Variants in PLCL1 observed in about 807,000 individuals in gnomAD.
PLCL1 encodes the protein phospholipase C like 1 (inactive), also known as inactive phospholipase C-like protein 1.
PLCL1 carries 41 observed loss-of-function variants against 84.4 expected under a neutral mutation model. The observed-to-expected ratio is 0.49, with a 90% CI of 0.38 to 0.63. The LOEUF is 0.63. Among genes scored for constraint, PLCL1 ranks in the 30% least tolerant of loss-of-function variants. PLCL1 has a pLI of 0.00. For synonymous variants in PLCL1, 490 were observed against 488.3 expected (o/e 1.00, Z -0.05); for missense variants, 1,206 against 1,367.8 (o/e 0.88, Z 1.87).
At chr2:197,851,462 A>G (rs542608016) in intron 1 of PLCL1, among the ~76,000 whole-genome samples, 12 of 152,368 alleles carry the variant, frequency 7.9e-5, no homozygotes, top group African/African-American at 2.6e-4. Context: ...GAATAAAAGC[A>G]GTGCTCTGAT....
chr2:197,916,511 G>C (rs778166239), intron 1 of PLCL1, among the ~76,000 whole-genome samples: 4 of 152,096 alleles, frequency 2.6e-5, no homozygotes, highest in African/African-American at 4.8e-5. Context: ...AATAATCCAT[G>C]CTGTACACTT....
At position 197,811,543 on chromosome 2, in the gene PLCL1, A is replaced by G. The variant is rs75787501; in HGVS notation, c.240+6204A>G. 9.6e-3 allele frequency among the ~76,000 whole-genome samples: 1,460 copies of G among 152,324 alleles called. 23 individuals are homozygous for G. Among genetic ancestry groups the G allele is most frequent in the African/African-American group, 0.034 (1,400 of 41,572 alleles). On this transcript the variant is annotated intron_variant, in intron 1 of 5. Coordinates refer to ENST00000428675, the MANE Select transcript of PLCL1 (RefSeq NM_006226.4). ...GTTTACATTATCATTATCACTTCAGAAAGAAGGCAAGTTAATTTTGAAAAT... is the reference window on the plus strand; with the variant it reads ...GTTTACATTATCATTATCACTTCAGGAAGAAGGCAAGTTAATTTTGAAAAT...
intron 1 of PLCL1, among the ~76,000 whole-genome samples, chr2:197,830,173 G>C (rs1264956852): frequency 6.6e-6 from 1 of 152,058 alleles, no homozygotes; most frequent in African/African-American, 2.4e-5. Flanking sequence ...GAATGAGTTT[G>C]ACGAATTCAC....
chr2:198,023,782 C>A (rs1456493808), intron 1 of PLCL1, among the ~76,000 whole-genome samples: 2 of 152,186 alleles, frequency 1.3e-5, no homozygotes, highest in Non-Finnish European at 1.5e-5. Flanking sequence ...AATAGGAACA[C>A]TTTTACCCTG....
chr2:197,861,504 A>G (rs530198840), intron 1 of PLCL1, among the ~76,000 whole-genome samples: 2 of 152,306 alleles, frequency 1.3e-5, no homozygotes, highest in South Asian at 4.1e-4. Flanking sequence ...CACTCTAGCA[A>G]ATTAATCAAA....
At chr2:198,042,396 C>A (rs1041296097) in intron 1 of PLCL1, among the ~76,000 whole-genome samples, 1 of 152,142 alleles carries the variant, frequency 6.6e-6, no homozygotes, top group East Asian at 1.9e-4. Flanking sequence ...AAAGGTTAAT[C>A]TGCAATAGCA....
chr2:198,079,022 T>C (rs1692646994), intron 1 of PLCL1, among the ~76,000 whole-genome samples: 1 of 152,112 alleles, frequency 6.6e-6, no homozygotes, highest in African/African-American at 2.4e-5. Flanking sequence ...TGAATTTATA[T>C]TGAAATAATT....
At chr2:197,918,940 C>T (rs1688650536) in intron 1 of PLCL1, among the ~76,000 whole-genome samples, 2 of 124,300 alleles carry the variant, frequency 1.6e-5, no homozygotes, top group Non-Finnish European at 3.5e-5. Context: ...GACCCTGTCT[C>T]TCTCTCTCTC....
intron 1 of PLCL1, among the ~76,000 whole-genome samples, chr2:198,027,194 T>C (rs1691289451): frequency 6.6e-6 from 1 of 152,194 alleles, no homozygotes; most frequent in African/African-American, 2.4e-5. Flanking sequence ...AAGGAAATCA[T>C]GTCATTTGCA....
intron 1 of PLCL1, among the ~76,000 whole-genome samples, chr2:197,897,561 C>A (rs1688177618): frequency 6.6e-6 from 1 of 151,624 alleles, no homozygotes; most frequent in Non-Finnish European, 1.5e-5. Context: ...TTTTAATATG[C>A]ATTAAATGAG....
chr2:197,938,734 C>T (rs931364344), intron 1 of PLCL1, among the ~76,000 whole-genome samples: 3 of 152,076 alleles, frequency 2.0e-5, no homozygotes, highest in African/African-American at 7.2e-5. Flanking sequence ...AGTGGCAGGG[C>T]TGATTGGATC....
intron 1 of PLCL1, among the ~76,000 whole-genome samples, chr2:197,904,956 G>A (rs1241871663): frequency 6.6e-6 from 1 of 152,142 alleles, no homozygotes. Context: ...CACATTCCTT[G>A]CTTTGTAGGT....
At chr2:198,072,358 T>C (rs1368989) in intron 1 of PLCL1, among the ~76,000 whole-genome samples, 106,681 of 151,284 alleles carry the variant, frequency 0.71, 38,142 homozygotes, top group Middle Eastern at 0.86. Context: ...TTTACTGGTT[T>C]TAATAAGTTT....
chr2:197,890,701 TACAC>T (rs372078594), intron 1 of PLCL1, among the ~76,000 whole-genome samples: 1 of 118,538 alleles, frequency 8.4e-6, no homozygotes, highest in African/African-American at 3.8e-5. Flanking sequence ...TATATATATA[TACAC>T]ACACACATAT....
In PLCL1 at chr2:198,085,661, T is replaced by C; in HGVS notation, c.2144T>C (p.Leu715Pro). Residue 715 changes from leucine to proline, a missense_variant, in exon 2 of 6, where the codon CTA (leucine) becomes CCA (proline). Transcript: ENST00000428675. The surrounding 1 kb of genome is among the most constrained non-coding windows in gnomAD (Gnocchi z 5.3). ...SYFSANTKGI[L>P]PGVSPLALHI... ...TTCAGCGCAAATACAAAGGGCATTC[T>C]ACCTGGGGTGTCTCCTCTAGCTCTT... 6.2e-7 allele frequency: 1 copy of C among 1,614,154 alleles called. No individual in the cohort carries two copies. Among genetic ancestry groups the C allele is most frequent in the Non-Finnish European group, 8.5e-7 (1 of 1,179,980 alleles).
At chr2:198,027,922 C>T (rs1691312606) in intron 1 of PLCL1, among the ~76,000 whole-genome samples, 2 of 152,096 alleles carry the variant, frequency 1.3e-5, no homozygotes, top group South Asian at 2.1e-4. Flanking sequence ...CAGCTTCAAA[C>T]TCCTGAGCTC....
chr2:197,854,295 C>T (rs781603038), intron 1 of PLCL1, among the ~76,000 whole-genome samples: 2 of 152,170 alleles, frequency 1.3e-5, no homozygotes, highest in African/African-American at 4.8e-5. Flanking sequence ...CTTTTCCCAA[C>T]AAGTGGAATA....
intron 1 of PLCL1, among the ~76,000 whole-genome samples, chr2:197,947,237 AAT>A (rs55700681): frequency 0.025 from 3,618 of 142,678 alleles, 136 homozygotes; most frequent in African/African-American, 0.082. Flanking sequence ...TGCTTAGATA[AAT>A]ATATATATAT....
intron 1 of PLCL1, chr2:197,810,259 T>C (rs1170314286): frequency 2.4e-6 from 3 of 1,245,692 alleles, no homozygotes; most frequent in African/African-American, 1.5e-5. Context: ...TTGCTTCTTA[T>C]TGCAGGGTCT....
Sources: gnomAD v4.1 joint callset for allele counts (sites outside exome capture counted in the v4.1 genomes callset) on GRCh38, gnomAD v4.1.1 for gene constraint, Gnocchi (gnomAD v3.1) non-coding constraint, MANE v1.5 for transcripts, NCBI Gene and HGNC (gene_info 2026-07-23, HGNC 2026-07-21) for gene names.